The following CDC42BPB variants were observed in gnomAD, a reference collection of about 807,000 sequenced individuals.
The protein encoded by CDC42BPB is serine/threonine-protein kinase MRCK beta.
Under a neutral mutation model 214.9 loss-of-function variants are expected in CDC42BPB, and 37 were observed. That is an observed-to-expected ratio of 0.17 (90% CI 0.13 to 0.23). The LOEUF is 0.23. Among genes scored for constraint, CDC42BPB ranks in the 10% least tolerant of loss-of-function variants. The probability of loss-of-function intolerance (pLI) is 1.00; values close to 1 mark genes in which losing one functional copy is unlikely to be tolerated. For missense variants in CDC42BPB, 1,694 were observed against 2,227.0 expected (o/e 0.76, Z 4.82); for synonymous variants, 931 against 884.0 (o/e 1.05, Z -0.94).
At chr14:103,021,398 G>C (rs181160112) in intron 1 of CDC42BPB, among the ~76,000 whole-genome samples, 6 of 152,000 alleles carry the variant, frequency 3.9e-5, no homozygotes, top group African/African-American at 1.5e-4. Flanking sequence ...CCTGGGAGGC[G>C]GAGCTTGCAG....
At chr14:103,030,760 GA>G (rs1262462205) in intron 1 of CDC42BPB, among the ~76,000 whole-genome samples, 4 of 152,048 alleles carry the variant, frequency 2.6e-5, no homozygotes, top group African/African-American at 9.7e-5. Context: ...GAGACAGGTA[GA>G]TCACTTACGC....
At chr14:103,015,632 G>A (rs1443184013) in intron 1 of CDC42BPB, among the ~76,000 whole-genome samples, 1 of 152,206 alleles carries the variant, frequency 6.6e-6, no homozygotes, top group Non-Finnish European at 1.5e-5. Context: ...TGCCAACTAG[G>A]TTACTAAGAT....
rs778846709 is a variant in CDC42BPB at position 102,946,707 on chromosome 14, GAAGA to G, written c.3532-27_3532-24del. 1.9e-6 allele frequency: 3 copies of G among 1,610,474 alleles called. No homozygotes were observed. In the African/African-American group the frequency reaches 4.0e-5, roughly 21 times the overall value. Reference sequence around the variant, plus strand: ...CACCTTCATGACAGGAAACAGAAGAGAAGAGAGAAGTCATCAAACGCCAAAGCCG... The same window carrying G: ...CACCTTCATGACAGGAAACAGAAGAGGAGAAGTCATCAAACGCCAAAGCCG... On this transcript the variant is annotated intron_variant, in intron 27 of 36. Transcript: ENST00000361246.
intron 27 of CDC42BPB, 140 bp from the exon 28 acceptor site, chr14:102,946,824 C>G: frequency 6.9e-7 from 1 of 1,450,998 alleles, no homozygotes; most frequent in South Asian, 1.4e-5. Flanking sequence ...CCTGACTCCA[C>G]CTCGCTGGGC....
chr14:103,043,562 G>A (rs1888126756), intron 1 of CDC42BPB, among the ~76,000 whole-genome samples: 1 of 152,124 alleles, frequency 6.6e-6, no homozygotes, highest in Admixed American at 6.6e-5. Flanking sequence ...GGTTCCTTTG[G>A]CGGTGATGGC....
chr14:102,947,821 T>G lies in CDC42BPB; in HGVS notation c.3450-19A>C, dbSNP rs1189362273. ...GTCATCTCTGGTAAGGAAGAAACATTGACCCCGCTGGGAGACACGCGCACA... is the reference window on the plus strand; with the variant it reads ...GTCATCTCTGGTAAGGAAGAAACATGGACCCCGCTGGGAGACACGCGCACA... On this transcript the variant is annotated intron_variant, in intron 26 of 36. Transcript: ENST00000361246. 1 of 1,611,958 alleles carries G rather than the reference T, an allele frequency of 6.2e-7. No individual in the cohort carries two copies. The highest frequency in any genetic ancestry group is 8.5e-7 in the Non-Finnish European group (1 of 1,179,608).
chr14:102,960,591 C>T (rs1243366585), intron 20 of CDC42BPB, among the ~76,000 whole-genome samples: 1 of 152,132 alleles, frequency 6.6e-6, no homozygotes, highest in Non-Finnish European at 1.5e-5. Context: ...GCCTGGGTGA[C>T]AGAGTGAGAC....
chr14:102,996,414 A>G (rs916827039), intron 5 of CDC42BPB, among the ~76,000 whole-genome samples: 6 of 152,202 alleles, frequency 3.9e-5, no homozygotes, highest in African/African-American at 1.4e-4. Flanking sequence ...AAGGTGGTCA[A>G]ACTAATTTCC....
At chr14:103,016,799 AG>A (rs1340796129) in intron 1 of CDC42BPB, among the ~76,000 whole-genome samples, 5 of 145,530 alleles carry the variant, frequency 3.4e-5, no homozygotes, top group Non-Finnish European at 7.5e-5. Flanking sequence ...GTGAACATAC[AG>A]AGTCCTAGCT....
At chr14:102,962,940 T>C (rs2139437490) in intron 20 of CDC42BPB, 121 bp downstream of exon 20, 2 of 553,102 alleles carry the variant, frequency 3.6e-6, no homozygotes. Context: ...TTTTGGAAAA[T>C]ACTGAATTTG....
At chr14:103,034,439 A>G (rs987965704) in intron 1 of CDC42BPB, among the ~76,000 whole-genome samples, 2 of 152,260 alleles carry the variant, frequency 1.3e-5, no homozygotes, top group Admixed American at 1.3e-4. Flanking sequence ...TTATAAATGC[A>G]GTATTTTAAG....
chr14:102,966,365 G>A lies in CDC42BPB; in HGVS notation c.2494C>T (p.Arg832Trp), dbSNP rs760767641. 2 of 1,613,820 alleles carry A rather than the reference G, an allele frequency of 1.2e-6. No homozygotes were observed. Among genetic ancestry groups the A allele is most frequent in the Non-Finnish European group, 1.7e-6 (2 of 1,179,810 alleles). The change falls in exon 18 of 37, where the codon CGG becomes TGG. Residue 832 changes from arginine (R) to tryptophan (W), a missense_variant. Physicochemically the swap from Arg to Trp is moderately radical, Grantham distance 101. Coordinates refer to ENST00000361246, the MANE Select transcript of CDC42BPB (RefSeq NM_006035.4). ...GAAGCAAGAGCTTGAAGGTAACCCC[G>A]GGCATCTTTCTCGTCACTGACCCTG... The part of the protein sequence containing the change: ...IQWVSDEKDA[R>W]GYLQALASKM...
chr14:102,954,225 C>T lies in CDC42BPB; in HGVS notation c.3039G>A (p.Thr1013=), dbSNP rs1027668102. 4 of 1,547,628 alleles carry T rather than the reference C, an allele frequency of 2.6e-6. No homozygotes were observed. Among genetic ancestry groups the T allele is most frequent in the South Asian group, 1.2e-5 (1 of 83,390 alleles). The part of the protein sequence containing the change: ...QRPSAVPLPT[T]QALALAGPKP... ...TCGGTCCAGCCAGAGCCAGGGCCTG[C>T]GTGGTGGGCAACGGCACAGCGGATG... Residue 1013 remains threonine (T), a synonymous_variant, in exon 23 of 37, where the codon ACG becomes ACA. Coordinates refer to ENST00000361246, the MANE Select transcript of CDC42BPB (RefSeq NM_006035.4).
intron 1 of CDC42BPB, among the ~76,000 whole-genome samples, chr14:103,037,551 C>T (rs1278883136): frequency 8.5e-5 from 13 of 152,126 alleles, no homozygotes; most frequent in Non-Finnish European, 1.9e-4. Context: ...TAGTACTTGC[C>T]AAATGTACCT....
chr14:102,995,031 C>A (rs1894663606), intron 5 of CDC42BPB, among the ~76,000 whole-genome samples: 1 of 152,150 alleles, frequency 6.6e-6, no homozygotes, highest in African/African-American at 2.4e-5. Context: ...TCTGCCTCTT[C>A]TACTCAACTT....
chr14:103,000,329 C>T (rs569391814), intron 4 of CDC42BPB, among the ~76,000 whole-genome samples: 11 of 152,370 alleles, frequency 7.2e-5, no homozygotes, highest in South Asian at 4.1e-4. Flanking sequence ...CCGGGCCAGC[C>T]GTGTGCTGGG....
intron 5 of CDC42BPB, among the ~76,000 whole-genome samples, chr14:102,990,457 C>T (rs921850157): frequency 4.6e-5 from 7 of 152,130 alleles, no homozygotes; most frequent in African/African-American, 1.7e-4. Context: ...CACGTACTAA[C>T]GGTGCTGGGA....
At chr14:103,045,928 AC>A (rs1942116707) in intron 1 of CDC42BPB, among the ~76,000 whole-genome samples, 1 of 152,210 alleles carries the variant, frequency 6.6e-6, no homozygotes, top group Non-Finnish European at 1.5e-5. Flanking sequence ...TAAGTGTACG[AC>A]AAGGGATGAC....
At position 102,954,695 on chromosome 14, in the gene CDC42BPB, G is replaced by C. The variant is rs767926002; in HGVS notation, c.2902-7C>G. On this transcript the variant is annotated splice_polypyrimidine_tract_variant and splice_region_variant and intron_variant, in intron 21 of 36. Transcript: ENST00000361246. The stretch of plus-strand genomic sequence containing the variant: ...GCTCACTAGCTGAGCTGGTCTGTGA[G>C]AACCAAGAAAGAAAGAGTGGGGTGA... The C allele has an allele frequency of 1.2e-6, 2 of 1,612,306 alleles. No individual in the cohort carries two copies. The highest frequency in any genetic ancestry group is 2.2e-5 in the South Asian group (2 of 90,872).
Sources: gnomAD v4.1 joint callset for allele counts (sites outside exome capture counted in the v4.1 genomes callset) on GRCh38, gnomAD v4.1.1 for gene constraint, MANE v1.5 for transcripts, NCBI Gene and HGNC (gene_info 2026-07-23, HGNC 2026-07-21) for gene names.